KIAA1549L: variants seen among roughly 807,000 people sequenced by gnomAD.
KIAA1549L encodes UPF0606 protein KIAA1549L.
KIAA1549L carries 88 observed loss-of-function variants against 160.7 expected under a neutral mutation model. The observed-to-expected ratio is 0.55, with a 90% CI of 0.46 to 0.65. KIAA1549L has a LOEUF of 0.65. Ranked by LOEUF, KIAA1549L falls within the 30% of genes least tolerant of loss-of-function variation. The pLI, the probability that KIAA1549L is intolerant of heterozygous loss-of-function variation, is 0.00. For missense variants in KIAA1549L, 2,258 were observed against 2,437.5 expected, an observed-to-expected ratio of 0.93 and a Z score of 1.55; for synonymous variants, 950 against 976.7, an observed-to-expected ratio of 0.97 and a Z score of 0.51.
At chr11:33,386,091 A>G (rs11032250) in intron 1 of KIAA1549L, among the ~76,000 whole-genome samples, 16,771 of 152,124 alleles carry the variant, frequency 0.11, 1,521 homozygotes, top group African/African-American at 0.25. Flanking sequence ...GCCTTATTGC[A>G]CTGGCTAGAA....
chr11:33,614,504 T>G (rs1406315992), intron 15 of KIAA1549L, among the ~76,000 whole-genome samples: 1 of 117,228 alleles, frequency 8.5e-6, no homozygotes, highest in Non-Finnish European at 1.7e-5. Context: ...GCCTGTTCCC[T>G]CCTCTTGGGA....
intron 16 of KIAA1549L, among the ~76,000 whole-genome samples, chr11:33,624,675 A>G (rs1273114845): frequency 6.6e-6 from 1 of 151,734 alleles, no homozygotes. Flanking sequence ...ATTACCTTAT[A>G]AGGTTGTATG....
At chr11:33,390,479 C>T (rs763263263) in intron 1 of KIAA1549L, among the ~76,000 whole-genome samples, 1 of 152,182 alleles carries the variant, frequency 6.6e-6, no homozygotes, top group Non-Finnish European at 1.5e-5. Flanking sequence ...AGTTTAAACG[C>T]CCACCATCAA....
intron 1 of KIAA1549L, among the ~76,000 whole-genome samples, chr11:33,530,288 G>A (rs1853709878): frequency 6.7e-6 from 1 of 149,864 alleles, no homozygotes; most frequent in East Asian, 2.0e-4. Context: ...TGTAGTCCCC[G>A]CTACTCAGGA....
chr11:33,501,769 A>C (rs1189892557), intron 1 of KIAA1549L, among the ~76,000 whole-genome samples: 4 of 152,188 alleles, frequency 2.6e-5, no homozygotes, highest in African/African-American at 7.2e-5. Context: ...TACTCTGAGT[A>C]TCTTACCTTT....
chr11:33,422,029 G>C (rs1358253872), intron 1 of KIAA1549L, among the ~76,000 whole-genome samples: 1 of 152,108 alleles, frequency 6.6e-6, no homozygotes, highest in Non-Finnish European at 1.5e-5. Flanking sequence ...TTCTCATCAT[G>C]GCAATTGCAT....
chr11:33,667,842 C>T (rs745928801), intron 20 of KIAA1549L, 31 bp from the exon 21 acceptor site: 1 of 1,582,194 alleles, frequency 6.3e-7, no homozygotes, highest in Middle Eastern at 1.7e-4. Context: ...TCATGCCAGG[C>T]CCTGTCCTTC....
At chr11:33,531,912 A>G (rs940105721) in intron 1 of KIAA1549L, among the ~76,000 whole-genome samples, 4 of 152,126 alleles carry the variant, frequency 2.6e-5, no homozygotes, top group Non-Finnish European at 5.9e-5. Context: ...GTTTGCCAAA[A>G]CAGCCCTGGA....
In KIAA1549L at chr11:33,624,586, TTAAA is replaced by T. The variant is rs574689259; in HGVS notation, c.5409+5929_5409+5932del. On this transcript the variant is annotated intron_variant, in intron 16 of 20. Coordinates refer to ENST00000658780, the MANE Select transcript of KIAA1549L (RefSeq NM_012194.3). ...TCCTGAAAGAAAAAGGAAAAAAAAC[TTAAA>T]TAAAGCCAAAAAACTAGCTTTTACA... is the stretch of plus-strand genomic sequence containing the variant. Among the ~76,000 whole-genome samples the T allele has an allele frequency of 2.0e-3, 312 of 152,278 alleles. 1 individual carries two copies. Among genetic ancestry groups the T allele is most frequent in the Middle Eastern group, 0.014 (4 of 294 alleles).
intron 6 of KIAA1549L, among the ~76,000 whole-genome samples, chr11:33,555,360 T>C (rs1854612477): frequency 6.6e-6 from 1 of 152,196 alleles, no homozygotes; most frequent in Non-Finnish European, 1.5e-5. Context: ...CAAAGCAATC[T>C]TGAAAAGGAA....
chr11:33,380,712 T>C (rs1448517323), intron 1 of KIAA1549L, among the ~76,000 whole-genome samples: 2 of 152,136 alleles, frequency 1.3e-5, no homozygotes, highest in Admixed American at 6.5e-5. Flanking sequence ...AAGAATTTTA[T>C]GAATCTGGGT....
At chr11:33,647,375 C>CAA (rs10578169) in intron 17 of KIAA1549L, among the ~76,000 whole-genome samples, 2,673 of 114,690 alleles carry the variant, frequency 0.023, 144 homozygotes, top group African/African-American at 0.075. Context: ...GACTCTGTCT[C>CAA]AAAAAAAAAA....
At chr11:33,410,209 A>G (rs117175192) in intron 1 of KIAA1549L, among the ~76,000 whole-genome samples, 175 of 152,228 alleles carry the variant, frequency 1.1e-3, no homozygotes, top group East Asian at 4.1e-3. Flanking sequence ...AGAGAGATCT[A>G]TCACAGGCTT....
chr11:33,645,023 G>A (rs143959562), intron 16 of KIAA1549L, among the ~76,000 whole-genome samples: 6 of 152,326 alleles, frequency 3.9e-5, no homozygotes, highest in African/African-American at 1.4e-4. Flanking sequence ...GAAGCTGCTC[G>A]CTGGAATGAA....
intron 1 of KIAA1549L, among the ~76,000 whole-genome samples, chr11:33,424,412 C>T (rs1021641716): frequency 6.6e-6 from 1 of 152,162 alleles, no homozygotes; most frequent in Non-Finnish European, 1.5e-5. Flanking sequence ...ATTATACATC[C>T]ACCTTGCAGT....
intron 1 of KIAA1549L, among the ~76,000 whole-genome samples, chr11:33,464,038 C>T (rs554413095): frequency 1.3e-5 from 2 of 152,264 alleles, no homozygotes; most frequent in African/African-American, 2.4e-5. Context: ...AGCTGACACA[C>T]ATTATCTCAT....
At chr11:33,636,960 G>A (rs1260785442) in intron 16 of KIAA1549L, among the ~76,000 whole-genome samples, 3 of 152,206 alleles carry the variant, frequency 2.0e-5, no homozygotes. Flanking sequence ...AGGCAGTGGA[G>A]AGTACCAGGA....
At chr11:33,650,384 C>G (rs2133417151) in intron 17 of KIAA1549L, among the ~76,000 whole-genome samples, 1 of 152,324 alleles carries the variant, frequency 6.6e-6, no homozygotes, top group Non-Finnish European at 1.5e-5. Flanking sequence ...AGCCCACAAA[C>G]TCAGATGGGC....
chr11:33,657,469 C>A (rs973330554), intron 18 of KIAA1549L, among the ~76,000 whole-genome samples: 2 of 151,010 alleles, frequency 1.3e-5, no homozygotes, highest in Non-Finnish European at 2.9e-5. Flanking sequence ...GTTTGTCTAC[C>A]CCTGTCATTG....
Sources: gnomAD v4.1 joint callset for allele counts (sites outside exome capture counted in the v4.1 genomes callset) on GRCh38, gnomAD v4.1.1 for gene constraint, MANE v1.5 for transcripts, NCBI Gene and HGNC (gene_info 2026-07-23, HGNC 2026-07-21) for gene names.